The following WBP1L variants were observed in gnomAD, a reference collection of about 807,000 sequenced individuals.
WBP1L encodes the protein WW domain binding protein 1-like.
In WBP1L, 17 loss-of-function variants were observed where a neutral mutation model predicts 33.7. The observed-to-expected ratio is 0.50, with a 90% CI of 0.34 to 0.76. WBP1L has a LOEUF of 0.76. Among genes scored for constraint, WBP1L ranks in the 30% least tolerant of loss-of-function variants. WBP1L has a pLI of 0.01. For missense variants in WBP1L, 389 were observed against 469.4 expected (o/e 0.83, Z 1.58); for synonymous variants, 173 against 190.8 (o/e 0.91, Z 0.77).
intron 1 of WBP1L, among the ~76,000 whole-genome samples, chr10:102,767,396 C>T (rs1393969386): frequency 6.6e-6 from 1 of 152,168 alleles, no homozygotes; most frequent in Non-Finnish European, 1.5e-5. Flanking sequence ...GTGGCACATG[C>T]CTGTAGTCCC....
chr10:102,795,349 A>G (rs1316391278), intron 1 of WBP1L, among the ~76,000 whole-genome samples: 2 of 152,220 alleles, frequency 1.3e-5, no homozygotes, highest in African/African-American at 4.8e-5. Context: ...ACATGACCCC[A>G]TCGTAAGCCG....
intron 3 of WBP1L, 71 bp from the exon 4 acceptor site, chr10:102,812,524 G>T (rs984195443): frequency 3.4e-6 from 5 of 1,474,272 alleles, no homozygotes; most frequent in Non-Finnish European, 4.5e-6. Flanking sequence ...CAAATATTCA[G>T]TGGGAGCTTT....
chr10:102,772,257 C>CTTTTTT (rs34766191), intron 1 of WBP1L, among the ~76,000 whole-genome samples: 30 of 61,030 alleles, frequency 4.9e-4, no homozygotes, highest in Admixed American at 1.1e-3. Flanking sequence ...TGCGCCCGGC[C>CTTTTTT]TTTTTTTTTT....
intron 1 of WBP1L, among the ~76,000 whole-genome samples, chr10:102,761,403 G>T (rs990697785): frequency 4.0e-5 from 6 of 151,588 alleles, no homozygotes; most frequent in African/African-American, 1.5e-4. Context: ...GCCTCCCAAA[G>T]TGCTGGGATT....
intron 1 of WBP1L, among the ~76,000 whole-genome samples, chr10:102,752,117 C>T (rs1051264676): frequency 1.3e-5 from 2 of 152,138 alleles, no homozygotes; most frequent in Non-Finnish European, 1.5e-5. Context: ...GTCACTGTCA[C>T]AGCTTGGGAG....
At chr10:102,812,291 C>T (rs906450036) in intron 3 of WBP1L, among the ~76,000 whole-genome samples, 1 of 152,144 alleles carries the variant, frequency 6.6e-6, no homozygotes, top group Non-Finnish European at 1.5e-5. Context: ...ATTTTTTGGC[C>T]ATCTACCACG....
chr10:102,783,847 A>G (rs76651896), intron 1 of WBP1L, among the ~76,000 whole-genome samples: 1 of 152,334 alleles, frequency 6.6e-6, no homozygotes, highest in Non-Finnish European at 1.5e-5. Context: ...CCACAGACTC[A>G]TAGTAGTCCA....
At chr10:102,783,778 A>G (rs1843370287) in intron 1 of WBP1L, among the ~76,000 whole-genome samples, 1 of 152,188 alleles carries the variant, frequency 6.6e-6, no homozygotes, top group Non-Finnish European at 1.5e-5. Context: ...CCGTATGACA[A>G]ATAATTACCT....
intron 1 of WBP1L, among the ~76,000 whole-genome samples, chr10:102,756,857 C>A (rs1446758361): frequency 6.6e-6 from 1 of 151,518 alleles, no homozygotes; most frequent in Non-Finnish European, 1.5e-5. Flanking sequence ...TCGCTTGAGC[C>A]CAGGAGTTCG....
chr10:102,749,637 T>A lies in WBP1L; in HGVS notation c.90+5494T>A, dbSNP rs1176453902. On this transcript the variant is annotated intron_variant, in intron 1 of 3. Coordinates refer to ENST00000448841, the MANE Select transcript of WBP1L (RefSeq NM_001083913.2). ...CCTAATTTTTTTTAATTAAAAAAAT[T>A]TTTTTATAGAGCAGAAGTCTCACTA... Among the ~76,000 whole-genome samples the A allele has an allele frequency of 3.3e-5, 5 of 151,126 alleles. No homozygotes were observed. In the East Asian group the frequency reaches 7.9e-4, roughly 24 times the overall value.
intron 1 of WBP1L, among the ~76,000 whole-genome samples, chr10:102,758,265 T>G (rs1843001098): frequency 6.6e-6 from 1 of 152,050 alleles, no homozygotes; most frequent in Non-Finnish European, 1.5e-5. Flanking sequence ...ATTAATTAAG[T>G]GGTTTTTAAT....
At chr10:102,788,694 T>C (rs1411110238) in intron 1 of WBP1L, among the ~76,000 whole-genome samples, 6 of 152,218 alleles carry the variant, frequency 3.9e-5, no homozygotes, top group Non-Finnish European at 7.3e-5. Context: ...CTAGTAGATA[T>C]GCAGTGCTAG....
rs1843921471 is a variant in WBP1L, at chr10:102,815,365, C to T, written c.*2034C>T. The T allele has an allele frequency of 6.5e-6, 1 of 152,696 alleles. No individual in the cohort carries two copies. The highest frequency in any genetic ancestry group is 2.1e-4 in the South Asian group (1 of 4,838). The allele number at this position is 152,696 out of a possible 1,614,324, so 9.5% of individuals were successfully genotyped here. ...GCGTGCTCTGAGCCTGTCTGCCTCC[C>T]TCGGCTGCTGCTGGTCCTCAGTACC... On this transcript the variant is annotated 3_prime_UTR_variant, in exon 4 of 4. Transcript: ENST00000448841.
chr10:102,764,699 T>A (rs143356402), intron 1 of WBP1L, among the ~76,000 whole-genome samples: 1 of 152,220 alleles, frequency 6.6e-6, no homozygotes, highest in East Asian at 1.9e-4. Flanking sequence ...TAATGTTTTC[T>A]TCTGGTGTTT....
intron 1 of WBP1L, among the ~76,000 whole-genome samples, chr10:102,777,203 G>T (rs1843276631): frequency 1.3e-5 from 2 of 152,128 alleles, no homozygotes; most frequent in Admixed American, 1.3e-4. Context: ...TCGTCTGAGA[G>T]GCATGTCTGT....
intron 2 of WBP1L, among the ~76,000 whole-genome samples, chr10:102,799,783 TGG>T (rs1564767670): frequency 6.6e-6 from 1 of 152,050 alleles, no homozygotes; most frequent in Non-Finnish European, 1.5e-5. Context: ...GTCAGTGATA[TGG>T]CAAGAAAGCA....
rs917619140 is a variant in WBP1L, at chr10:102,815,059, T to C, written c.*1728T>C. 1 of 152,552 alleles carries C rather than the reference T, an allele frequency of 6.6e-6. No individual in the cohort carries two copies. Among genetic ancestry groups the C allele is most frequent in the African/African-American group, 2.4e-5 (1 of 41,410 alleles). 9.4% of individuals were successfully genotyped at this position (152,552 alleles called of 1,614,324 possible). ...TGTGTGTGTGCCTCAAGCCCTGTTT[T>C]CCTGTGAAGATACTTTGAGTGGCAG... On this transcript the variant is annotated 3_prime_UTR_variant, in exon 4 of 4. Coordinates refer to ENST00000448841, the MANE Select transcript of WBP1L (RefSeq NM_001083913.2).
intron 1 of WBP1L, among the ~76,000 whole-genome samples, chr10:102,774,587 C>G (rs1369813624): frequency 2.0e-5 from 3 of 152,186 alleles, no homozygotes; most frequent in Admixed American, 2.0e-4. Flanking sequence ...AATGATCAAA[C>G]AGTGCTTTTG....
intron 1 of WBP1L, among the ~76,000 whole-genome samples, chr10:102,774,828 T>C (rs150217235): frequency 8.5e-5 from 13 of 152,248 alleles, no homozygotes; most frequent in African/African-American, 3.1e-4. Flanking sequence ...AATTTGTAGC[T>C]GAGGAAGTTA....
Sources: allele counts gnomAD v4.1 joint callset (sites outside exome capture counted in the v4.1 genomes callset), GRCh38; gene constraint gnomAD v4.1.1; transcripts MANE v1.5; gene names NCBI Gene and HGNC (gene_info 2026-07-23, HGNC 2026-07-21).